DCUN1D2: variants seen among roughly 807,000 people sequenced by gnomAD.
The protein encoded by DCUN1D2 is DCN1-like protein 2.
DCUN1D2 carries 29 observed loss-of-function variants against 30.9 expected under a neutral mutation model. The observed-to-expected ratio is 0.94, with a 90% CI of 0.70 to 1.28. The LOEUF is 1.28. Among genes scored for constraint, DCUN1D2 ranks in the 50% most tolerant of loss-of-function variants. The probability of loss-of-function intolerance (pLI) is 0.00; values close to 1 mark genes in which losing one functional copy is unlikely to be tolerated. For missense variants in DCUN1D2, 325 were observed against 316.9 expected, an observed-to-expected ratio of 1.03 and a Z score of -0.19; for synonymous variants, 121 against 115.3, an observed-to-expected ratio of 1.05 and a Z score of -0.32.
At chr13:113,476,050 T>C (rs930912572) in intron 3 of DCUN1D2, 1 of 152,290 alleles carries the variant, frequency 6.6e-6, no homozygotes, top group East Asian at 1.9e-4. Flanking sequence ...TGGGTATGCA[T>C]GGCTCCAGCT....
Position 113,458,097 on chromosome 13 carries a change from C to T in DCUN1D2, c.712G>A (p.Val238Ile), listed in dbSNP as rs200354971. The change falls in exon 7 of 7, where the codon GTT becomes ATT. Residue 238 changes from valine (V) to isoleucine (I), a missense_variant. Coordinates refer to ENST00000478244, the MANE Select transcript of DCUN1D2 (RefSeq NM_001014283.2). ...SNYDEEGAWPVLIDDFVEYAR... is the reference protein window; with the variant it reads ...SNYDEEGAWPILIDDFVEYAR... ...TATTCTACAAAATCATCTATAAGAA[C>T]GGGCCAAGCTCCTAAAGGAAAGCAA... 7.4e-5 allele frequency: 119 copies of T among 1,614,128 alleles called. No individual in the cohort carries two copies. The highest frequency in any genetic ancestry group is 3.3e-4 in the Middle Eastern group (2 of 6,062).
At chr13:113,477,986 C>T (rs764234806) in intron 3 of DCUN1D2, among the ~76,000 whole-genome samples, 5 of 152,216 alleles carry the variant, frequency 3.3e-5, no homozygotes, top group African/African-American at 4.8e-5. Context: ...CTGAGTCTTA[C>T]AGCTGAGAGT....
In DCUN1D2 at chr13:113,457,295, G is replaced by C. The variant is rs2044241611; in HGVS notation, c.*734C>G. The C allele has an allele frequency of 6.6e-6, 1 of 152,258 alleles. No individual in the cohort carries two copies. The highest frequency in any genetic ancestry group is 2.4e-5 in the African/African-American group (1 of 41,542). 9.4% of individuals were successfully genotyped at this position (152,258 alleles called of 1,614,324 possible). On this transcript the variant is annotated 3_prime_UTR_variant, in exon 7 of 7. Transcript: ENST00000478244. Reference sequence around the variant, plus strand: ...AAAACATACTTTATGAAGCTTCTCAGGCAGGTCAAATAATATTTAAGTAAG... The same window carrying C: ...AAAACATACTTTATGAAGCTTCTCACGCAGGTCAAATAATATTTAAGTAAG...
At chr13:113,469,274 G>A (rs547688886) in intron 4 of DCUN1D2, among the ~76,000 whole-genome samples, 1 of 152,148 alleles carries the variant, frequency 6.6e-6, no homozygotes, top group South Asian at 2.1e-4. Context: ...CAACAGAACA[G>A]CCCTGAGATC....
At chr13:113,479,319 A>T (rs1034383924) in intron 3 of DCUN1D2, among the ~76,000 whole-genome samples, 1 of 152,210 alleles carries the variant, frequency 6.6e-6, no homozygotes, top group African/African-American at 2.4e-5. Context: ...ACAAATACAT[A>T]AAAACGTAAG....
At chr13:113,458,227 C>T (rs551561147) in intron 6 of DCUN1D2, 119 bp from the exon 7 acceptor site, 1 of 866,342 alleles carries the variant, frequency 1.2e-6, no homozygotes, top group African/African-American at 1.7e-5. Flanking sequence ...GAGGTCCACA[C>T]CATTTGTGTT....
At chr13:113,470,019 T>G (rs2044474527) in intron 4 of DCUN1D2, among the ~76,000 whole-genome samples, 1 of 152,210 alleles carries the variant, frequency 6.6e-6, no homozygotes, top group Admixed American at 6.5e-5. Flanking sequence ...ATGACTTTAC[T>G]AGAAGGCACA....
At chr13:113,474,302 G>GTCGA (rs1161938828) in intron 3 of DCUN1D2, 48 bp from the exon 4 acceptor site, 1 of 1,604,414 alleles carries the variant, frequency 6.2e-7, no homozygotes, top group African/African-American at 1.3e-5. Context: ...CGCCTCCCTA[G>GTCGA]TCGACTCCCC....
At chr13:113,476,457 T>C (rs982161437) in intron 3 of DCUN1D2, among the ~76,000 whole-genome samples, 3 of 152,224 alleles carry the variant, frequency 2.0e-5, no homozygotes, top group Non-Finnish European at 4.4e-5. Flanking sequence ...AACTGGCCCT[T>C]GTGCATCCTC....
Position 113,463,576 on chromosome 13 carries a change from C to A in DCUN1D2, c.521-2440G>T, listed in dbSNP as rs2044353270. 3.3e-5 allele frequency among the ~76,000 whole-genome samples: 5 copies of A among 151,794 alleles called. 1 individual carries two copies. The South Asian group carries it at 1.0e-3, about 32-fold the overall frequency. On this transcript the variant is annotated intron_variant, in intron 4 of 6. Coordinates refer to ENST00000478244, the MANE Select transcript of DCUN1D2 (RefSeq NM_001014283.2). ...AAACACAAAAGATTCCCAAAGCCAA[C>A]TGATTCAAGACTCTAGCCAGTATGA...
chr13:113,486,168 C>T (rs1041179957), intron 1 of DCUN1D2, among the ~76,000 whole-genome samples: 4 of 151,952 alleles, frequency 2.6e-5, no homozygotes, highest in African/African-American at 9.7e-5. Flanking sequence ...ACTACATAGC[C>T]ATAAAAAGGA....
At chr13:113,460,247 C>T (rs936260027) in intron 5 of DCUN1D2, among the ~76,000 whole-genome samples, 1 of 152,248 alleles carries the variant, frequency 6.6e-6, no homozygotes, top group African/African-American at 2.4e-5. Context: ...GTACCATTCC[C>T]AGGCAAGGAA....
intron 2 of DCUN1D2, 85 bp from the exon 3 acceptor site, chr13:113,480,828 TA>T (rs2044695697): frequency 3.5e-6 from 5 of 1,412,362 alleles, no homozygotes; most frequent in Non-Finnish European, 5.0e-6. Flanking sequence ...AGCATTCGAT[TA>T]TACTACATAG....
chr13:113,489,874 G>C lies in DCUN1D2; in HGVS notation c.3+793C>G, dbSNP rs562413140. Among the ~76,000 whole-genome samples, 88 of 152,102 alleles carry C rather than the reference G, an allele frequency of 5.8e-4. 1 individual carries two copies. In the South Asian group the frequency reaches 7.5e-3, roughly 13 times the overall value. ...ACAAGTTCCTGGAACCCGTGCCTTA[G>C]CCTTTGTCCCAACTGTGGTCAAACA... On this transcript the variant is annotated intron_variant, in intron 1 of 6. Transcript: ENST00000478244.
chr13:113,470,078 C>T (rs2044475304), intron 4 of DCUN1D2, among the ~76,000 whole-genome samples: 1 of 152,204 alleles, frequency 6.6e-6, no homozygotes, highest in African/African-American at 2.4e-5. Flanking sequence ...ACATCTCAGC[C>T]AATGATAGTC....
chr13:113,479,876 T>C (rs560508180), intron 3 of DCUN1D2, among the ~76,000 whole-genome samples: 133 of 152,348 alleles, frequency 8.7e-4, no homozygotes, highest in African/African-American at 3.2e-3. Context: ...GGCAGTGCAG[T>C]AGGTTTGTCT....
At chr13:113,467,760 C>T (rs1418903407) in intron 4 of DCUN1D2, among the ~76,000 whole-genome samples, 2 of 151,998 alleles carry the variant, frequency 1.3e-5, no homozygotes, top group African/African-American at 2.4e-5. Context: ...GAATTAAAAG[C>T]GGGCCGGGCG....
intron 4 of DCUN1D2, among the ~76,000 whole-genome samples, chr13:113,471,165 A>G (rs538234582): frequency 0.016 from 2,345 of 148,160 alleles, 25 homozygotes; most frequent in Non-Finnish European, 0.022. Context: ...AGGGGACCCA[A>G]CTCCACAGAA....
At chr13:113,462,339 CA>C (rs2044332189) in intron 4 of DCUN1D2, among the ~76,000 whole-genome samples, 1 of 151,612 alleles carries the variant, frequency 6.6e-6, no homozygotes, top group Admixed American at 6.6e-5. Context: ...GAATAGTGTT[CA>C]CCACTTTTAG....
Sources: gnomAD v4.1 joint callset for allele counts (sites outside exome capture counted in the v4.1 genomes callset) on GRCh38, gnomAD v4.1.1 for gene constraint, MANE v1.5 for transcripts, NCBI Gene and HGNC (gene_info 2026-07-23, HGNC 2026-07-21) for gene names.